Variants in FHL1 observed in about 807,000 individuals in gnomAD.
FHL1 encodes the protein four and a half LIM domains protein 1.
FHL1 carries 1 observed loss-of-function variant against 20.3 expected under a neutral mutation model. That is an observed-to-expected ratio of 0.05 (90% CI 0.02 to 0.23). The LOEUF (loss-of-function observed/expected upper bound fraction) is 0.23. Ranked by LOEUF, FHL1 falls within the 10% of genes least tolerant of loss-of-function variation. FHL1 has a pLI of 1.00. For synonymous variants in FHL1, 82 were observed against 88.9 expected, an observed-to-expected ratio of 0.92 and a Z score of 0.44; for missense variants, 177 against 234.0, an observed-to-expected ratio of 0.76 and a Z score of 1.59.
Position 136,197,089 on chromosome X carries a change from G to A in FHL1, c.-24G>A, listed in dbSNP as rs2073575703. On this transcript the variant is annotated 5_prime_UTR_variant, in exon 1 of 6. Coordinates refer to ENST00000370683, the MANE Select transcript of FHL1 (RefSeq NM_001159699.2). Reference sequence around the variant, plus strand: ...TTGAGGGAAGACTGGTCTAGGTGCTGCTCCTGAACTTGGTCTCTGAGCCAT... The same window carrying A: ...TTGAGGGAAGACTGGTCTAGGTGCTACTCCTGAACTTGGTCTCTGAGCCAT... 1 of 1,204,640 alleles carries A rather than the reference G, an allele frequency of 8.3e-7. No homozygotes were observed. The highest frequency in any genetic ancestry group is 1.1e-6 in the Non-Finnish European group (1 of 891,350).
intron 2 of FHL1, among the ~76,000 whole-genome samples, chrX:136,183,094 C>CA (rs770573573): frequency 0.018 from 878 of 50,081 alleles, 7 homozygotes; most frequent in South Asian, 0.08. Flanking sequence ...GAGACTGTCT[C>CA]AAAAAAAAAA....
chrX:136,207,209 C>A lies in FHL1; in HGVS notation c.379+19C>A. On this transcript the variant is annotated intron_variant, in intron 3 of 5. Transcript: ENST00000370683. ...GTGGCAGGTACTGCCTCCTTCCCAC[C>A]CCGGGTTCCCAGGGAGGAGGCCCTG... 8.4e-7 allele frequency: 1 copy of A among 1,188,975 alleles called. No homozygotes were observed. The highest frequency in any genetic ancestry group is 1.1e-6 in the Non-Finnish European group (1 of 880,814).
Position 136,206,575 on chromosome X carries a change from G to A in FHL1, c.191G>A (p.Gly64Asp). The A allele has an allele frequency of 1.1e-5, 13 of 1,212,477 alleles. No homozygotes were observed. Among genetic ancestry groups the A allele is most frequent in the Non-Finnish European group, 1.5e-5 (13 of 895,663 alleles). ...TGTGTGGAATGCCGCAAGCCCATCG[G>A]TGCGGACTCCAAGGTAACGGGCATC... ...NTCVECRKPIGADSKEVHYKN... is the reference protein window; with the variant it reads ...NTCVECRKPIDADSKEVHYKN... Residue 64 changes from glycine (G) to aspartate (D), a missense_variant, in exon 2 of 6, where the codon GGT becomes GAT. By Grantham distance (94) the Gly-to-Asp change is moderately conservative. Coordinates refer to ENST00000370683, the MANE Select transcript of FHL1 (RefSeq NM_001159699.2).
At position 136,207,937 on chromosome X, in the gene FHL1, C is replaced by G; in HGVS notation, c.525C>G (p.Ala175=). The G allele has an allele frequency of 8.2e-7, 1 of 1,212,347 alleles. No individual in the cohort carries two copies. The highest frequency in any genetic ancestry group is 1.1e-6 in the Non-Finnish European group (1 of 895,615). The change falls in exon 4 of 6, where the codon GCC becomes GCG. Residue 175 remains alanine, a synonymous_variant. Transcript: ENST00000370683. ...YCVTCHETKF[A]KHCVKCNKAI... ...TGACTTGCCATGAGACCAAGTTTGC[C>G]AAGCATTGCGTGAAGTGCAACAAGG...
At chrX:136,175,718 ACT>A (rs2072985940) in intron 2 of FHL1, among the ~76,000 whole-genome samples, 2 of 112,510 alleles carry the variant, frequency 1.8e-5, no homozygotes, top group African/African-American at 6.4e-5. Flanking sequence ...ATACAGTCTT[ACT>A]AAAAAATGCA....
At chrX:136,168,320 G>A (rs1354766177), upstream of FHL1, 1 of 111,830 alleles carries the variant, frequency 8.9e-6, no homozygotes, top group African/African-American at 3.3e-5. Flanking sequence ...TGTGGTGGTG[G>A]GAGATGAGAT....
chrX:136,168,099 A>G (rs1400283447), upstream of FHL1: 2 of 112,447 alleles, frequency 1.8e-5, no homozygotes, highest in African/African-American at 3.2e-5. Context: ...AATGCTTTAC[A>G]TGGACGTACG....
chrX:136,199,289 T>C (rs1193057268), intron 1 of FHL1, among the ~76,000 whole-genome samples: 3 of 111,917 alleles, frequency 2.7e-5, no homozygotes, highest in Non-Finnish European at 3.8e-5. Flanking sequence ...ACACCCGATA[T>C]AATCTAAAAT....
At chrX:136,209,549 G>A (rs760504186) in intron 5 of FHL1, 15 of 801,929 alleles carry the variant, frequency 1.9e-5, no homozygotes, top group East Asian at 1.7e-4. Flanking sequence ...AGGTCGGTGC[G>A]CGTCACAGGG....
rs2073836920 is a variant in FHL1 at position 136,206,256 on chromosome X, TG to T, written c.23-149del. The stretch of plus-strand genomic sequence containing the variant: ...GTGAAGTATCTGTTGTCTTGGTGCC[TG>T]GTAGTCAGCTCGGCTGAAGGGGAAG... On this transcript the variant is annotated intron_variant, in intron 1 of 5. Transcript: ENST00000370683. The T allele has an allele frequency of 2.3e-4, 150 of 665,194 alleles. No individual in the cohort carries two copies. In the South Asian group the frequency reaches 3.3e-3, roughly 15 times the overall value. The allele number at this position is 665,194 out of a possible 1,213,427, so 54.8% of individuals were successfully genotyped here.
At chrX:136,160,053 T>C (rs1352860258) in intron 1 of FHL1, among the ~76,000 whole-genome samples, 1 of 112,020 alleles carries the variant, frequency 8.9e-6, no homozygotes, top group African/African-American at 3.2e-5. Context: ...AAAGATTCGG[T>C]TTTTATAGGC....
upstream of FHL1, chrX:136,169,345 C>G (rs757456498): frequency 4.2e-5 from 6 of 144,212 alleles, no homozygotes; most frequent in African/African-American, 9.7e-5. Flanking sequence ...TGAGCCTGCC[C>G]GCTAGTCTGC....
chrX:136,184,245 T>G (rs1346939686), intron 2 of FHL1, among the ~76,000 whole-genome samples: 3 of 112,021 alleles, frequency 2.7e-5, no homozygotes, highest in African/African-American at 9.7e-5. Flanking sequence ...TTATTTTAAT[T>G]TTTCCGAAAT....
At chrX:136,150,108 C>T (rs2072225934) in intron 1 of FHL1, among the ~76,000 whole-genome samples, 1 of 111,804 alleles carries the variant, frequency 8.9e-6, no homozygotes, top group South Asian at 3.6e-4. Flanking sequence ...TTTTGAGAAT[C>T]TGTTGCCCTC....
chrX:136,158,591 T>G (rs980736933), intron 1 of FHL1, among the ~76,000 whole-genome samples: 25 of 111,339 alleles, frequency 2.2e-4, no homozygotes, highest in African/African-American at 7.5e-4. Context: ...GGCAGCAGAC[T>G]AATTCCAATG....
chrX:136,202,142 A>C (rs1298214359), intron 1 of FHL1, among the ~76,000 whole-genome samples: 1 of 111,207 alleles, frequency 9.0e-6, no homozygotes, highest in African/African-American at 3.3e-5. Flanking sequence ...AGGTGGGCAG[A>C]TCACTTGAGG....
intron 1 of FHL1, among the ~76,000 whole-genome samples, chrX:136,204,260 C>T (rs1391965079): frequency 8.9e-6 from 1 of 112,656 alleles, no homozygotes; most frequent in Non-Finnish European, 1.9e-5. Flanking sequence ...GAAAGCAAGT[C>T]TTTGTTGAGG....
chrX:136,186,512 C>G (rs2073291706), intron 2 of FHL1, among the ~76,000 whole-genome samples: 1 of 111,232 alleles, frequency 9.0e-6, no homozygotes, highest in Non-Finnish European at 1.9e-5. Context: ...AGAAAGCAGT[C>G]TGATTAAACT....
At chrX:136,180,166 GT>G (rs2073117757) in intron 2 of FHL1, among the ~76,000 whole-genome samples, 1 of 111,950 alleles carries the variant, frequency 8.9e-6, no homozygotes, top group Non-Finnish European at 1.9e-5. Flanking sequence ...GTTTCTCTTT[GT>G]TTGTAACTAC....
Sources: gnomAD v4.1 joint callset for allele counts (sites outside exome capture counted in the v4.1 genomes callset) on GRCh38, gnomAD v4.1.1 for gene constraint, MANE v1.5 for transcripts, NCBI Gene and HGNC (gene_info 2026-07-23, HGNC 2026-07-21) for gene names.